RDH12: variants seen among roughly 807,000 people sequenced by gnomAD.
RDH12 encodes retinol dehydrogenase 12, also known as all-trans and 9-cis retinol dehydrogenase.
RDH12 carries 21 observed loss-of-function variants against 34.0 expected under a neutral mutation model. The ratio of observed to expected loss-of-function variants is 0.62; its 90% CI spans 0.44 to 0.89. The LOEUF (loss-of-function observed/expected upper bound fraction) is 0.89, where lower values mean the gene tolerates loss of function less well. RDH12 is among the 40% of genes least tolerant of loss of function. The probability of loss-of-function intolerance (pLI) is 0.00; values close to 1 mark genes in which losing one functional copy is unlikely to be tolerated. For synonymous variants in RDH12, 198 were observed against 169.9 expected (o/e 1.17, Z -1.29); for missense variants, 394 against 398.6 (o/e 0.99, Z 0.10).
chr14:67,714,369 T>A (rs12881114), intron 1 of RDH12, among the ~76,000 whole-genome samples: 11,298 of 152,180 alleles, frequency 0.074, 552 homozygotes, highest in Middle Eastern at 0.15. Flanking sequence ...ACTCCTTGCC[T>A]CAATAAATCC....
At chr14:67,720,180 G>A (rs1015621346) in intron 1 of RDH12, among the ~76,000 whole-genome samples, 2 of 152,150 alleles carry the variant, frequency 1.3e-5, no homozygotes, top group African/African-American at 4.8e-5. Context: ...TATGAGTGAG[G>A]GTGAAGAGCC....
intron 5 of RDH12, 106 bp downstream of exon 5, chr14:67,725,360 C>T: frequency 8.4e-7 from 1 of 1,184,246 alleles, no homozygotes; most frequent in African/African-American, 1.5e-5. Flanking sequence ...ATCCACCCCA[C>T]TAGACAGGTT....
chr14:67,714,224 C>G (rs1169336616), intron 1 of RDH12, among the ~76,000 whole-genome samples: 1 of 152,178 alleles, frequency 6.6e-6, no homozygotes, highest in East Asian at 1.9e-4. Flanking sequence ...CAGCCTCCAC[C>G]TTCAGGGCTC....
chr14:67,724,505 A>T lies in RDH12; in HGVS notation c.101A>T (p.Asn34Ile). 6.2e-7 allele frequency: 1 copy of T among 1,610,474 alleles called. No homozygotes were observed. Among genetic ancestry groups the T allele is most frequent in the Non-Finnish European group, 8.5e-7 (1 of 1,178,026 alleles). The change falls in exon 4 of 9, where the codon AAT (asparagine) becomes ATT (isoleucine). Residue 34 changes from asparagine to isoleucine, a missense_variant. Coordinates refer to ENST00000551171, the MANE Select transcript of RDH12 (RefSeq NM_152443.3). ...KFFAGGVCRT[N>I]VQLPGKVVVI... The stretch of plus-strand genomic sequence containing the variant: ...TTTGCTGGTGGAGTGTGTAGAACAA[A>T]TGTGCAGCTTCCTGGCAAGGTAGTG...
At chr14:67,724,358 A>C in intron 3 of RDH12, 115 bp from the exon 4 acceptor site, 1 of 822,228 alleles carries the variant, frequency 1.2e-6, no homozygotes, top group South Asian at 1.4e-5. Flanking sequence ...TCCTGACTGC[A>C]ACTTAAAGAT....
chr14:67,722,146 C>T (rs1190681399), intron 2 of RDH12, among the ~76,000 whole-genome samples: 1 of 152,184 alleles, frequency 6.6e-6, no homozygotes, highest in Non-Finnish European at 1.5e-5. Context: ...GTTAACTGCT[C>T]TTCTGACGTC....
intron 7 of RDH12, chr14:67,727,834 A>C (rs778970365): frequency 1.7e-4 from 26 of 154,822 alleles, no homozygotes; most frequent in Non-Finnish European, 3.6e-4. Flanking sequence ...GGGCATCAGA[A>C]CCGGAATGTG....
intron 1 of RDH12, among the ~76,000 whole-genome samples, chr14:67,707,805 A>G (rs1566838551): frequency 6.6e-6 from 1 of 152,208 alleles, no homozygotes; most frequent in Non-Finnish European, 1.5e-5. Context: ...TGAGGTTCCA[A>G]GGTAAACTTG....
chr14:67,727,030 C>T lies in RDH12; in HGVS notation c.498C>T (p.Ala166=). 1 of 1,613,694 alleles carries T rather than the reference C, an allele frequency of 6.2e-7. No individual in the cohort carries two copies. The highest frequency in any genetic ancestry group is 8.5e-7 in the Non-Finnish European group (1 of 1,180,040). The change falls in exon 7 of 9, where the codon GCC becomes GCT. Residue 166 remains alanine (A), a synonymous_variant. Coordinates refer to ENST00000551171, the MANE Select transcript of RDH12 (RefSeq NM_152443.3). ...TCCTGGAGCGGCTAAAGGTGTCTGC[C>T]CCTGCACGGGTGGTTAATGTGTCCT... ...YLLLERLKVS[A]PARVVNVSSV...
In RDH12 at chr14:67,734,306, C is replaced by T; in HGVS notation, c.*458C>T. 5.8e-6 allele frequency: 1 copy of T among 173,476 alleles called. No individual in the cohort carries two copies. The highest frequency in any genetic ancestry group is 1.3e-5 in the Non-Finnish European group (1 of 79,516). The allele number at this position is 173,476 out of a possible 1,614,324, so 10.7% of individuals were successfully genotyped here. A position where few individuals can be genotyped will look rare whatever the true frequency, so the allele number is the denominator to read the frequency against. On this transcript the variant is annotated 3_prime_UTR_variant, in exon 9 of 9. Coordinates refer to ENST00000551171, the MANE Select transcript of RDH12 (RefSeq NM_152443.3). ...CACCACCCTGGAGTCTAGACCAACA[C>T]ACAAAGATCCTGGCTAACCCTGGCC... is the stretch of plus-strand genomic sequence containing the variant.
In RDH12 at chr14:67,724,547, A is replaced by G. The variant is rs377430547; in HGVS notation, c.143A>G (p.Asn48Ser). The part of the protein sequence containing the change: ...PGKVVVITGA[N>S]TGIGKETARE... Reference sequence around the variant, plus strand: ...AAGGTAGTGGTGATCACTGGCGCCAACACGGGCATTGGCAAGGAGACGGCC... The same window carrying G: ...AAGGTAGTGGTGATCACTGGCGCCAGCACGGGCATTGGCAAGGAGACGGCC... The change falls in exon 4 of 9, where the codon AAC becomes AGC. Residue 48 changes from asparagine (N) to serine (S), a missense_variant. Transcript: ENST00000551171. The G allele has an allele frequency of 7.4e-6, 12 of 1,613,944 alleles. No homozygotes were observed. Among genetic ancestry groups the G allele is most frequent in the Non-Finnish European group, 1.0e-5 (12 of 1,179,960 alleles).
At chr14:67,728,485 T>C (rs965046389) in intron 7 of RDH12, among the ~76,000 whole-genome samples, 1 of 152,050 alleles carries the variant, frequency 6.6e-6, no homozygotes, top group African/African-American at 2.4e-5. Context: ...TACATCAGAG[T>C]TCAGACCTTG....
chr14:67,725,955 C>T lies in RDH12; in HGVS notation c.344-96C>T, dbSNP rs138119213. The stretch of plus-strand genomic sequence containing the variant: ...CAAAATGTTACCCCAACAAAGACAA[C>T]TAATGAACAAAGGGAAAGGGCAATT... On this transcript the variant is annotated intron_variant, in intron 5 of 8. Transcript: ENST00000551171. The T allele has an allele frequency of 4.0e-5, 34 of 860,636 alleles. No individual in the cohort carries two copies. In the East Asian group the frequency reaches 7.8e-4, roughly 20 times the overall value. The allele number at this position is 860,636 out of a possible 1,614,324, so 53.3% of individuals were successfully genotyped here.
chr14:67,725,872 T>C (rs1227381844), intron 5 of RDH12, among the ~76,000 whole-genome samples, 179 bp from the exon 6 acceptor site: 1 of 152,202 alleles, frequency 6.6e-6, no homozygotes, highest in Non-Finnish European at 1.5e-5. Flanking sequence ...AGGATAGTTA[T>C]TGAGTGCTGA....
At chr14:67,711,984 A>T (rs554250514) in intron 1 of RDH12, among the ~76,000 whole-genome samples, 122 of 152,182 alleles carry the variant, frequency 8.0e-4, no homozygotes, top group Admixed American at 7.8e-3. Context: ...CAATGGTGCG[A>T]TCTAGGCTCA....
At position 67,722,726 on chromosome 14, in the gene RDH12, G is replaced by C; in HGVS notation, c.68+16G>C. The C allele has an allele frequency of 6.2e-7, 1 of 1,607,298 alleles. No individual in the cohort carries two copies. The highest frequency in any genetic ancestry group is 8.5e-7 in the Non-Finnish European group (1 of 1,173,768). ...CATCCATCAGGTTTGTCTTAATTCAGCAACTCAAACAATCGTTTACAAAGA... is the reference window on the plus strand; with the variant it reads ...CATCCATCAGGTTTGTCTTAATTCACCAACTCAAACAATCGTTTACAAAGA... On this transcript the variant is annotated intron_variant, in intron 3 of 8. Coordinates refer to ENST00000551171, the MANE Select transcript of RDH12 (RefSeq NM_152443.3).
chr14:67,721,033 C>G (rs939888562), intron 2 of RDH12, 131 bp downstream of exon 2: 9 of 152,178 alleles, frequency 5.9e-5, no homozygotes, highest in Non-Finnish European at 8.8e-5. Flanking sequence ...CTGTGTCTTC[C>G]TAGTATGTTG....
At position 67,722,441 on chromosome 14, in the gene RDH12, G is replaced by T; in HGVS notation, c.-202G>T. 1.5e-6 allele frequency: 1 copy of T among 650,586 alleles called. No homozygotes were observed. The allele number at this position is 650,586 out of a possible 1,614,324, so 40.3% of individuals were successfully genotyped here. A position where few individuals can be genotyped will look rare whatever the true frequency, so the allele number is the denominator to read the frequency against. ...CCCACCAGGACTACATCTCCCAGCA[G>T]GCTGTGCTCTGACAGCTCTTGGATT... On this transcript the variant is annotated 5_prime_UTR_variant, in exon 3 of 9. In the 5' UTR this introduces an upstream ATG that the reference lacks. Transcript: ENST00000551171.
intron 8 of RDH12, among the ~76,000 whole-genome samples, chr14:67,732,907 C>A (rs560683742): frequency 6.6e-6 from 1 of 152,114 alleles, no homozygotes; most frequent in South Asian, 2.1e-4. Flanking sequence ...CTTTTATCAG[C>A]ACTGCATGTT....
Sources: allele counts gnomAD v4.1 joint callset (sites outside exome capture counted in the v4.1 genomes callset), GRCh38; gene constraint gnomAD v4.1.1; transcripts MANE v1.5; gene names NCBI Gene and HGNC (gene_info 2026-07-23, HGNC 2026-07-21).